ADAMTSL3: variants seen among roughly 807,000 people sequenced by gnomAD.
ADAMTSL3 encodes the protein ADAMTS like 3.
Under a neutral mutation model 201.7 loss-of-function variants are expected in ADAMTSL3, and 128 were observed. The observed-to-expected ratio is 0.63, with a 90% CI of 0.55 to 0.73. The LOEUF (loss-of-function observed/expected upper bound fraction) is 0.73. Among genes scored for constraint, ADAMTSL3 ranks in the 30% least tolerant of loss-of-function variants. The probability of loss-of-function intolerance (pLI) is 0.00; values close to 1 mark genes in which losing one functional copy is unlikely to be tolerated. For missense variants in ADAMTSL3, 1,990 were observed against 2,119.6 expected, an observed-to-expected ratio of 0.94 and a Z score of 1.20; for synonymous variants, 738 against 748.4, an observed-to-expected ratio of 0.99 and a Z score of 0.23.
chr15:83,724,237 T>G (rs963793627), intron 3 of ADAMTSL3, among the ~76,000 whole-genome samples: 2 of 152,018 alleles, frequency 1.3e-5, no homozygotes, highest in African/African-American at 4.8e-5. Context: ...TAGCTGGGAT[T>G]ACAGGCACAC....
intron 2 of ADAMTSL3, among the ~76,000 whole-genome samples, chr15:83,674,299 A>G (rs1285931522): frequency 6.6e-6 from 1 of 152,026 alleles, no homozygotes; most frequent in Non-Finnish European, 1.5e-5. Context: ...CTTACGTTAT[A>G]TGGTGTGAGG....
At chr15:83,798,922 C>T (rs1016049755) in intron 4 of ADAMTSL3, among the ~76,000 whole-genome samples, 3 of 151,588 alleles carry the variant, frequency 2.0e-5, no homozygotes, top group Non-Finnish European at 4.4e-5. Context: ...ATTTCGGAAG[C>T]ATGGTAGCAG....
chr15:83,972,770 G>A (rs2067219350), intron 20 of ADAMTSL3, among the ~76,000 whole-genome samples: 2 of 152,172 alleles, frequency 1.3e-5, no homozygotes, highest in Admixed American at 1.3e-4. Context: ...CGCACCCTGA[G>A]TTGGGCCCCC....
chr15:83,791,593 T>TCA (rs1267753878), intron 4 of ADAMTSL3, among the ~76,000 whole-genome samples: 1 of 152,188 alleles, frequency 6.6e-6, no homozygotes, highest in Non-Finnish European at 1.5e-5. Context: ...GCGCAGTGGC[T>TCA]CACGCCTGTA....
At position 83,982,159 on chromosome 15, in the gene ADAMTSL3, T is replaced by C. The variant is rs1225176866; in HGVS notation, c.2645-114T>C. 5.0e-6 allele frequency: 4 copies of C among 800,292 alleles called. No homozygotes were observed. In the Admixed American group the frequency reaches 9.0e-5, roughly 18 times the overall value. The allele number at this position is 800,292 out of a possible 1,614,324, so 49.6% of individuals were successfully genotyped here. ...TTTATTCTTGAATGTTTTAAAATAG[T>C]AAAAAAGATACGTTTGTTAGCCTGT... On this transcript the variant is annotated intron_variant, in intron 20 of 29. Coordinates refer to ENST00000286744, the MANE Select transcript of ADAMTSL3 (RefSeq NM_207517.3).
intron 6 of ADAMTSL3, among the ~76,000 whole-genome samples, chr15:83,826,398 T>C (rs1026001215): frequency 2.0e-5 from 3 of 151,930 alleles, no homozygotes; most frequent in Admixed American, 6.6e-5. Flanking sequence ...ACTGGGGTTA[T>C]AGACATGAGC....
intron 2 of ADAMTSL3, among the ~76,000 whole-genome samples, chr15:83,686,090 A>G (rs941387305): frequency 6.6e-6 from 1 of 151,982 alleles, no homozygotes; most frequent in Admixed American, 6.6e-5. Flanking sequence ...CTCTTTTACA[A>G]CCTGTCACAG....
At chr15:83,738,502 A>G (rs1156604866) in intron 3 of ADAMTSL3, among the ~76,000 whole-genome samples, 1 of 152,230 alleles carries the variant, frequency 6.6e-6, no homozygotes, top group South Asian at 2.1e-4. Context: ...GTTTGTGGCA[A>G]GGATATAGAT....
intron 3 of ADAMTSL3, among the ~76,000 whole-genome samples, chr15:83,723,494 A>C (rs544564084): frequency 6.6e-6 from 1 of 152,354 alleles, no homozygotes; most frequent in East Asian, 1.9e-4. Flanking sequence ...GCTTCCTGCA[A>C]AAATACATTG....
At chr15:83,983,477 A>G (rs2067425655) in intron 21 of ADAMTSL3, 133 bp downstream of exon 21, 1 of 713,730 alleles carries the variant, frequency 1.4e-6, no homozygotes, top group African/African-American at 1.8e-5. Flanking sequence ...AAGAAACTAA[A>G]AAATGTTAAG....
intron 20 of ADAMTSL3, among the ~76,000 whole-genome samples, chr15:83,975,216 A>G (rs1257405193): frequency 6.6e-6 from 1 of 151,498 alleles, no homozygotes; most frequent in African/African-American, 2.4e-5. Flanking sequence ...GTTAGCCAGG[A>G]TGGTCTTGAT....
chr15:83,983,472 A>G, intron 21 of ADAMTSL3, 128 bp downstream of exon 21: 2 of 743,390 alleles, frequency 2.7e-6, no homozygotes, highest in Non-Finnish European at 4.1e-6. Flanking sequence ...TAGGAAAGAA[A>G]CTAAAAAATG....
At position 83,735,781 on chromosome 15, in the gene ADAMTSL3, G is replaced by A. The variant is rs1024449605; in HGVS notation, c.189+31273G>A. 2.6e-5 allele frequency among the ~76,000 whole-genome samples: 4 copies of A among 151,986 alleles called. No homozygotes were observed. The East Asian group carries it at 7.7e-4, about 29-fold the overall frequency. On this transcript the variant is annotated intron_variant, in intron 3 of 29. Coordinates refer to ENST00000286744, the MANE Select transcript of ADAMTSL3 (RefSeq NM_207517.3). ...GGATTTGGATATCCATTAACTGCTGGTGACAAAAGAGGAAGCCCCACGTTT... is the reference window on the plus strand; with the variant it reads ...GGATTTGGATATCCATTAACTGCTGATGACAAAAGAGGAAGCCCCACGTTT...
intron 8 of ADAMTSL3, among the ~76,000 whole-genome samples, chr15:83,867,567 T>C (rs1163336525): frequency 2.6e-5 from 4 of 152,196 alleles, no homozygotes; most frequent in Non-Finnish European, 5.9e-5. Context: ...GGACCATATA[T>C]AGAGATGTAT....
intron 3 of ADAMTSL3, among the ~76,000 whole-genome samples, chr15:83,770,137 A>G (rs2141736311): frequency 6.6e-6 from 1 of 152,168 alleles, no homozygotes; most frequent in East Asian, 1.9e-4. Context: ...ATTTTAATTA[A>G]CCTCTCACTC....
At chr15:83,655,955 C>A (rs1567053336) in intron 2 of ADAMTSL3, 125 bp downstream of exon 2, 1 of 1,010,216 alleles carries the variant, frequency 9.9e-7, no homozygotes, top group Non-Finnish European at 1.5e-6. Context: ...ACCAGACTTT[C>A]TTTCCTATCT....
chr15:83,820,998 C>G (rs1168118081), intron 6 of ADAMTSL3, among the ~76,000 whole-genome samples: 1 of 151,800 alleles, frequency 6.6e-6, no homozygotes, highest in African/African-American at 2.4e-5. Flanking sequence ...CACTTGAACC[C>G]AGGAGGTGGA....
intron 9 of ADAMTSL3, among the ~76,000 whole-genome samples, chr15:83,881,184 T>C (rs2065263696): frequency 6.6e-6 from 1 of 152,236 alleles, no homozygotes; most frequent in Non-Finnish European, 1.5e-5. Flanking sequence ...GTGATCTTTA[T>C]CCAACAAAGA....
At chr15:83,823,880 CT>C (rs2063937628) in intron 6 of ADAMTSL3, among the ~76,000 whole-genome samples, 8 of 112,444 alleles carry the variant, frequency 7.1e-5, no homozygotes, top group East Asian at 6.8e-4. Flanking sequence ...ACTCCATTTC[CT>C]TCTTCTTCTT....
Sources: allele counts gnomAD v4.1 joint callset (sites outside exome capture counted in the v4.1 genomes callset), GRCh38; gene constraint gnomAD v4.1.1; transcripts MANE v1.5; gene names NCBI Gene and HGNC (gene_info 2026-07-23, HGNC 2026-07-21).